The following RAI14 variants were observed in gnomAD, a reference collection of about 807,000 sequenced individuals.
RAI14 encodes the protein retinoic acid induced 14.
Under a neutral mutation model 115.4 loss-of-function variants are expected in RAI14, and 45 were observed. The ratio of observed to expected loss-of-function variants is 0.39; its 90% CI spans 0.31 to 0.50. The LOEUF (loss-of-function observed/expected upper bound fraction) is 0.50. Among genes scored for constraint, RAI14 ranks in the 20% least tolerant of loss-of-function variants. RAI14 has a pLI of 0.85. For missense variants in RAI14, 939 were observed against 1,131.2 expected, an observed-to-expected ratio of 0.83 and a Z score of 2.44; for synonymous variants, 371 against 415.4, an observed-to-expected ratio of 0.89 and a Z score of 1.30.
At chr5:34,710,604 G>A (rs1229369131) in intron 2 of RAI14, among the ~76,000 whole-genome samples, 2 of 152,290 alleles carry the variant, frequency 1.3e-5, no homozygotes, top group East Asian at 3.9e-4. Flanking sequence ...TGTTGATGAT[G>A]AGAATCACAT....
rs113847059 is a variant in RAI14, at chr5:34,747,063, T to C, written c.37-10405T>C. Among the ~76,000 whole-genome samples, 387 of 152,314 alleles carry C rather than the reference T, an allele frequency of 2.5e-3. 3 individuals are homozygous for C. The highest frequency in any genetic ancestry group is 8.7e-3 in the African/African-American group (361 of 41,568). Reference sequence around the variant, plus strand: ...CAGCCATGTGGAACTGTAAATCCAATTGAACCTCTTTTTCTTCCCAGTCTC... The same window carrying C: ...CAGCCATGTGGAACTGTAAATCCAACTGAACCTCTTTTTCTTCCCAGTCTC... On this transcript the variant is annotated intron_variant, in intron 2 of 17. Transcript: ENST00000265109.
chr5:34,675,402 A>C (rs1394032778), intron 1 of RAI14, among the ~76,000 whole-genome samples: 1 of 152,190 alleles, frequency 6.6e-6, no homozygotes, highest in Non-Finnish European at 1.5e-5. Context: ...CCAGCCCTGG[A>C]CAACCACCAA....
chr5:34,673,387 C>T (rs1483191295), intron 1 of RAI14, among the ~76,000 whole-genome samples: 1 of 152,208 alleles, frequency 6.6e-6, no homozygotes, highest in East Asian at 1.9e-4. Context: ...CCTCCTTAAC[C>T]TGCAGATTCA....
intron 1 of RAI14, among the ~76,000 whole-genome samples, chr5:34,681,072 T>C (rs958694601): frequency 6.6e-6 from 1 of 152,138 alleles, no homozygotes; most frequent in Admixed American, 6.6e-5. Flanking sequence ...GAGGCAGAGA[T>C]TGAAGCAGCT....
chr5:34,690,295 T>G (rs1738402938), intron 2 of RAI14, among the ~76,000 whole-genome samples: 1 of 152,170 alleles, frequency 6.6e-6, no homozygotes, highest in Admixed American at 6.5e-5. Flanking sequence ...CCTGCTTGTC[T>G]TTGTGTGAGG....
At chr5:34,814,999 C>A (rs1034455473) in intron 12 of RAI14, among the ~76,000 whole-genome samples, 12 of 152,052 alleles carry the variant, frequency 7.9e-5, no homozygotes, top group Admixed American at 4.6e-4. Flanking sequence ...GGAATCCCAG[C>A]ACTTTGGGAG....
At chr5:34,757,105 T>C (rs1356330852) in intron 2 of RAI14, among the ~76,000 whole-genome samples, 2 of 152,258 alleles carry the variant, frequency 1.3e-5, no homozygotes, top group East Asian at 3.9e-4. Flanking sequence ...GTGGATGAGG[T>C]CAAAGGCCAA....
chr5:34,714,223 A>G (rs895995503), intron 2 of RAI14, among the ~76,000 whole-genome samples: 3 of 152,104 alleles, frequency 2.0e-5, no homozygotes, highest in African/African-American at 4.8e-5. Context: ...CCATATTTCT[A>G]ATTTTTTTCT....
intron 1 of RAI14, chr5:34,656,796 C>A: frequency 6.5e-6 from 1 of 153,366 alleles, no homozygotes; most frequent in South Asian, 1.9e-4. Flanking sequence ...GGGCGCGGGG[C>A]AGGGGCCGCG....
chr5:34,713,245 T>C (rs139432676), intron 2 of RAI14, among the ~76,000 whole-genome samples: 12 of 151,598 alleles, frequency 7.9e-5, no homozygotes, highest in African/African-American at 2.7e-4. Context: ...TAACATGGAG[T>C]GGGATTAGAG....
intron 3 of RAI14, 120 bp downstream of exon 3, chr5:34,757,718 A>G (rs1748088111): frequency 7.8e-7 from 1 of 1,277,110 alleles, no homozygotes; most frequent in Admixed American, 2.9e-5. Flanking sequence ...ATGTTGAAAT[A>G]TGTAAGAAGA....
chr5:34,741,673 C>T (rs1266670771), intron 2 of RAI14, among the ~76,000 whole-genome samples: 1 of 152,136 alleles, frequency 6.6e-6, no homozygotes, highest in East Asian at 1.9e-4. Flanking sequence ...AGGTTTGAAA[C>T]TGGATTAAGA....
intron 5 of RAI14, among the ~76,000 whole-genome samples, chr5:34,805,486 G>C (rs1444271266): frequency 6.6e-6 from 1 of 152,154 alleles, no homozygotes. Context: ...TGGCTACCAA[G>C]GTAAAGTTCT....
At chr5:34,696,696 T>C (rs1739280058) in intron 2 of RAI14, among the ~76,000 whole-genome samples, 1 of 152,242 alleles carries the variant, frequency 6.6e-6, no homozygotes, top group East Asian at 1.9e-4. Flanking sequence ...TCTTAAACCT[T>C]AGTGACTTTT....
At chr5:34,800,119 C>A (rs1754090274) in intron 4 of RAI14, among the ~76,000 whole-genome samples, 1 of 152,176 alleles carries the variant, frequency 6.6e-6, no homozygotes, top group Non-Finnish European at 1.5e-5. Flanking sequence ...AGTGCAATAT[C>A]AACTGTCATG....
rs565609944 is a variant in RAI14, at chr5:34,809,711, C to T, written c.450+1057C>T. Among the ~76,000 whole-genome samples, 33 of 151,620 alleles carry T rather than the reference C, an allele frequency of 2.2e-4. No individual in the cohort carries two copies. In the South Asian group the frequency reaches 4.0e-3, roughly 18 times the overall value. On this transcript the variant is annotated intron_variant, in intron 7 of 17. Coordinates refer to ENST00000265109, the MANE Select transcript of RAI14 (RefSeq NM_015577.3). ...TCCTATATAGGTATATTTATTTCTA[C>T]GGCTATACATGTTTTCTACCATCAA...
chr5:34,707,707 A>C (rs1740878513), intron 2 of RAI14, among the ~76,000 whole-genome samples: 1 of 152,230 alleles, frequency 6.6e-6, no homozygotes, highest in African/African-American at 2.4e-5. Flanking sequence ...TACCTCGTCA[A>C]AATTTATCAT....
intron 3 of RAI14, among the ~76,000 whole-genome samples, chr5:34,761,479 T>C (rs1051818237): frequency 6.6e-6 from 1 of 152,190 alleles, no homozygotes; most frequent in Admixed American, 6.5e-5. Context: ...ATTCCCAGCC[T>C]TCTATTTTCT....
chr5:34,790,767 C>CATAT lies in RAI14; in HGVS notation c.168-5158_168-5155dup, dbSNP rs4001958. On this transcript the variant is annotated intron_variant, in intron 3 of 17. Transcript: ENST00000265109. ...ATGGGTGTGTGTGTGTGTATATATA[C>CATAT]ATATATATATATATATAGTATATAG... Among the ~76,000 whole-genome samples the CATAT allele has an allele frequency of 1.1e-3, 157 of 144,884 alleles. 1 individual carries two copies. Among genetic ancestry groups the CATAT allele is most frequent in the African/African-American group, 3.6e-3 (143 of 39,666 alleles).
Sources: gnomAD v4.1 joint callset for allele counts (sites outside exome capture counted in the v4.1 genomes callset) on GRCh38, gnomAD v4.1.1 for gene constraint, MANE v1.5 for transcripts, NCBI Gene and HGNC (gene_info 2026-07-23, HGNC 2026-07-21) for gene names.